The following MAP4K4 variants were observed in gnomAD, a reference collection of about 807,000 sequenced individuals.
MAP4K4 encodes HPK/GCK-like kinase HGK.
Under a neutral mutation model 189.6 loss-of-function variants are expected in MAP4K4, and 38 were observed. That is an observed-to-expected ratio of 0.20 (90% CI 0.15 to 0.26). MAP4K4 has a LOEUF of 0.26. MAP4K4 is among the 10% of genes least tolerant of loss of function. The probability of loss-of-function intolerance (pLI) is 1.00; values close to 1 mark genes in which losing one functional copy is unlikely to be tolerated. For missense variants in MAP4K4, 1,054 were observed against 1,726.9 expected (o/e 0.61, Z 6.91); for synonymous variants, 610 against 624.3 (o/e 0.98, Z 0.34).
chr2:101,702,168 T>A (rs1190393622), intron 2 of MAP4K4, among the ~76,000 whole-genome samples: 3 of 152,208 alleles, frequency 2.0e-5, no homozygotes, highest in Non-Finnish European at 4.4e-5. Flanking sequence ...CCCGGCCTTA[T>A]TGTTATTTTA....
exon 33 of MAP4K4, chr2:101,891,987 TAAAAAAAAAAAAAAAA>T (rs60620198): frequency 1.5e-4 from 9 of 59,820 alleles, no homozygotes; most frequent in Admixed American, 1.1e-3. Flanking sequence ...CAGATGGTTC[TAAAAAAAAAAAAAAAA>T]AAAAAAAAAA....
intron 11 of MAP4K4, 39 bp downstream of exon 11, chr2:101,842,720 A>G (rs1371703325): frequency 1.3e-6 from 2 of 1,530,632 alleles, no homozygotes; most frequent in South Asian, 1.2e-5. Context: ...TGCTTTATGA[A>G]GGGATTAAGT....
At position 101,871,733 on chromosome 2, in the gene MAP4K4, C is replaced by T. The variant is rs147668709; in HGVS notation, c.2952+48C>T. 3.4e-3 allele frequency: 5,047 copies of T among 1,505,446 alleles called. 8 individuals carry two copies. The highest frequency in any genetic ancestry group is 3.8e-3 in the Non-Finnish European group (4,266 of 1,123,468). The allele number at this position is 1,505,446 out of a possible 1,614,324, so 93.3% of individuals were successfully genotyped here. A position where few individuals can be genotyped will look rare whatever the true frequency, so the allele number is the denominator to read the frequency against. ...CTGCTTTCCTGGGGTTAGACCAGCA[C>T]TGCCTAGGAGTTAGTTTGCAAAGGA... On this transcript the variant is annotated intron_variant, in intron 24 of 32. Coordinates refer to ENST00000324219, the Ensembl canonical transcript of MAP4K4.
intron 13 of MAP4K4, among the ~76,000 whole-genome samples, chr2:101,857,675 T>C (rs1372187435): frequency 1.3e-5 from 2 of 152,162 alleles, no homozygotes; most frequent in East Asian, 1.9e-4. Flanking sequence ...GAACCAGATA[T>C]GTTTGTCAGT....
intron 2 of MAP4K4, among the ~76,000 whole-genome samples, chr2:101,727,617 AGGCAAT>A (rs1434407882): frequency 2.6e-5 from 4 of 152,254 alleles, no homozygotes; most frequent in Non-Finnish European, 5.9e-5. Context: ...AAAGAGAAAT[AGGCAAT>A]TGCCTCTTTA....
intron 12 of MAP4K4, among the ~76,000 whole-genome samples, chr2:101,852,314 T>C (rs1413814665): frequency 2.0e-5 from 3 of 152,090 alleles, no homozygotes; most frequent in African/African-American, 4.8e-5. Context: ...ATGCTAAGCG[T>C]TGGGTAAATT....
chr2:101,848,538 G>A (rs1457773810), intron 12 of MAP4K4, among the ~76,000 whole-genome samples: 1 of 152,188 alleles, frequency 6.6e-6, no homozygotes, highest in Admixed American at 6.5e-5. Context: ...CAGCAGACTG[G>A]CAAAACATGA....
chr2:101,777,703 G>A (rs762367743), intron 2 of MAP4K4, among the ~76,000 whole-genome samples: 1 of 152,182 alleles, frequency 6.6e-6, no homozygotes, highest in Non-Finnish European at 1.5e-5. Context: ...ATTCAGAAGA[G>A]CAGAAGGTGT....
chr2:101,759,266 G>A (rs1381602595), intron 2 of MAP4K4, among the ~76,000 whole-genome samples: 4 of 151,774 alleles, frequency 2.6e-5, no homozygotes, highest in Non-Finnish European at 5.9e-5. Flanking sequence ...TGCTTTCCTT[G>A]GTCATTTTTC....
At chr2:101,784,284 G>A (rs536574519) in intron 2 of MAP4K4, among the ~76,000 whole-genome samples, 148 of 140,350 alleles carry the variant, frequency 1.1e-3, no homozygotes, top group African/African-American at 4.2e-3. Context: ...GTGTGTGTGT[G>A]TGTATGTGTG....
chr2:101,741,417 C>G (rs1245795094), intron 2 of MAP4K4, among the ~76,000 whole-genome samples: 6 of 152,062 alleles, frequency 3.9e-5, no homozygotes, highest in African/African-American at 7.2e-5. Flanking sequence ...ATCTGCCTGC[C>G]TCAGCCTCCC....
chr2:101,801,342 G>A (rs1196711089), intron 3 of MAP4K4, among the ~76,000 whole-genome samples: 1 of 152,196 alleles, frequency 6.6e-6, no homozygotes, highest in East Asian at 1.9e-4. Context: ...GAACAGGCAT[G>A]TAGAAGGAAG....
chr2:101,887,024 CAAA>C (rs569902749), intron 29 of MAP4K4, 61 bp from the exon 30 acceptor site: 29,354 of 832,642 alleles, frequency 0.035, no homozygotes, highest in Middle Eastern at 0.051. Context: ...GACTCCGTCT[CAAA>C]AAAAAAAAAA....
At chr2:101,786,383 G>T (rs181279415) in intron 2 of MAP4K4, among the ~76,000 whole-genome samples, 144 of 151,632 alleles carry the variant, frequency 9.5e-4, no homozygotes, top group African/African-American at 3.4e-3. Context: ...CCTCTATTAA[G>T]AATAGTTTGA....
chr2:101,804,988 C>A (rs973527328), intron 3 of MAP4K4, among the ~76,000 whole-genome samples: 1 of 148,916 alleles, frequency 6.7e-6, no homozygotes, highest in Non-Finnish European at 1.5e-5. Flanking sequence ...GCAGGAGAAT[C>A]GCTCGAACCC....
chr2:101,728,085 AC>A, intron 2 of MAP4K4, among the ~76,000 whole-genome samples: 1 of 152,222 alleles, frequency 6.6e-6, no homozygotes, highest in Non-Finnish European at 1.5e-5. Context: ...CTGAGGAAAC[AC>A]CCAGGTTACC....
chr2:101,740,953 C>T (rs540213403), intron 2 of MAP4K4, among the ~76,000 whole-genome samples: 142 of 152,170 alleles, frequency 9.3e-4, no homozygotes, highest in Non-Finnish European at 1.6e-3. Flanking sequence ...CCTTAAAATA[C>T]CTCCATTAGT....
intron 3 of MAP4K4, among the ~76,000 whole-genome samples, chr2:101,812,923 C>G (rs574965733): frequency 2.6e-5 from 4 of 152,188 alleles, no homozygotes; most frequent in African/African-American, 9.6e-5. Flanking sequence ...GTCAGGAGAT[C>G]GAGACCATCC....
intron 2 of MAP4K4, among the ~76,000 whole-genome samples, chr2:101,753,352 T>G (rs182541863): frequency 6.6e-6 from 1 of 152,348 alleles, no homozygotes; most frequent in East Asian, 1.9e-4. Context: ...ACATGCATTT[T>G]CAAAGAAAAT....
Sources: allele counts gnomAD v4.1 joint callset (sites outside exome capture counted in the v4.1 genomes callset), GRCh38; gene constraint gnomAD v4.1.1; transcripts MANE v1.5; gene names NCBI Gene and HGNC (gene_info 2026-07-23, HGNC 2026-07-21).